ERO1A: variants seen among roughly 807,000 people sequenced by gnomAD.
ERO1A encodes endoplasmic reticulum oxidoreductase 1 alpha.
ERO1A carries 49 observed loss-of-function variants against 76.9 expected under a neutral mutation model. The observed-to-expected ratio is 0.64, with a 90% confidence interval of 0.51 to 0.81. The LOEUF is 0.81. Among genes scored for constraint, ERO1A ranks in the 30% least tolerant of loss-of-function variants. The probability of loss-of-function intolerance (pLI) is 0.00; values close to 1 mark genes in which losing one functional copy is unlikely to be tolerated. For missense variants in ERO1A, 448 were observed against 542.1 expected (o/e 0.83, Z 1.72); for synonymous variants, 174 against 181.2 (o/e 0.96, Z 0.32).
Position 52,661,323 on chromosome 14 carries a change from T to G in ERO1A, c.677-19A>C. The G allele has an allele frequency of 1.4e-6, 2 of 1,404,290 alleles. No homozygotes were observed. The highest frequency in any genetic ancestry group is 1.9e-6 in the Non-Finnish European group (2 of 1,054,822). The allele number at this position is 1,404,290 out of a possible 1,614,324, so 87.0% of individuals were successfully genotyped here. A position where few individuals can be genotyped will look rare whatever the true frequency, so the allele number is the denominator to read the frequency against. ...CTTGTCCCTGAAAAGCAAAACAAAA[T>G]GTTTATTAAAATAAATTCCTTCCAG... On this transcript the variant is annotated intron_variant, in intron 8 of 15. Coordinates refer to ENST00000395686, the MANE Select transcript of ERO1A (RefSeq NM_014584.3).
intron 9 of ERO1A, among the ~76,000 whole-genome samples, chr14:52,660,386 T>C (rs914824897): frequency 1.3e-5 from 2 of 152,300 alleles, no homozygotes; most frequent in Non-Finnish European, 2.9e-5. Flanking sequence ...CAATATAGCA[T>C]AGAACTAGGT....
chr14:52,665,236 A>AGGTTG (rs1288242619), intron 7 of ERO1A, among the ~76,000 whole-genome samples: 1 of 142,458 alleles, frequency 7.0e-6, no homozygotes, highest in East Asian at 2.3e-4. Context: ...TGGGAGGCAG[A>AGGTTG]GGTTGCGGTA....
chr14:52,651,202 C>T (rs1010424916), intron 13 of ERO1A, among the ~76,000 whole-genome samples: 1 of 151,686 alleles, frequency 6.6e-6, no homozygotes, highest in African/African-American at 2.4e-5. Context: ...GTGGGAGGAT[C>T]GCTTGAGCAC....
intron 1 of ERO1A, among the ~76,000 whole-genome samples, chr14:52,690,019 G>T (rs933965447): frequency 6.6e-6 from 1 of 151,984 alleles, no homozygotes; most frequent in Non-Finnish European, 1.5e-5. Flanking sequence ...CCAAACAATG[G>T]GAAAGCACAG....
chr14:52,656,711 CAAAAA>C (rs34369320), intron 11 of ERO1A, among the ~76,000 whole-genome samples: 1 of 103,602 alleles, frequency 9.7e-6, no homozygotes, highest in Admixed American at 9.9e-5. Flanking sequence ...GACTCTGTCT[CAAAAA>C]AAAAAAAAAA....
intron 13 of ERO1A, chr14:52,646,884 A>G (rs2039675854): frequency 6.6e-6 from 1 of 152,424 alleles, no homozygotes; most frequent in South Asian, 2.1e-4. Context: ...AGGGTGAGAC[A>G]GGGTTAGAGA....
intron 4 of ERO1A, among the ~76,000 whole-genome samples, chr14:52,673,395 G>C (rs1230771488): frequency 6.6e-6 from 1 of 152,088 alleles, no homozygotes; most frequent in Non-Finnish European, 1.5e-5. Flanking sequence ...TAGCCATTTT[G>C]CCATAATTGC....
intron 2 of ERO1A, 71 bp from the exon 3 acceptor site, chr14:52,682,479 A>G: frequency 8.6e-7 from 1 of 1,166,288 alleles, no homozygotes; most frequent in Non-Finnish European, 1.3e-6. Context: ...GTTACAAATT[A>G]TGGTGCTATA....
chr14:52,691,816 A>G (rs928502911), intron 1 of ERO1A, among the ~76,000 whole-genome samples: 4 of 152,358 alleles, frequency 2.6e-5, no homozygotes, highest in African/African-American at 7.2e-5. Context: ...AGAGTTTACA[A>G]ACATCGTGAG....
chr14:52,689,664 T>C (rs1287394775), intron 1 of ERO1A, among the ~76,000 whole-genome samples: 3 of 152,190 alleles, frequency 2.0e-5, no homozygotes, highest in African/African-American at 7.2e-5. Context: ...AGATATCCCA[T>C]GTTCATAAAT....
intron 1 of ERO1A, among the ~76,000 whole-genome samples, chr14:52,684,118 G>GAC (rs60355765): frequency 0.048 from 6,455 of 134,514 alleles, 279 homozygotes; most frequent in East Asian, 0.23. Flanking sequence ...CAGAGCTCAT[G>GAC]ACACACACAC....
intron 6 of ERO1A, among the ~76,000 whole-genome samples, chr14:52,668,776 C>CTATAAT (rs202109507): frequency 1.0e-3 from 150 of 147,778 alleles, no homozygotes; most frequent in African/African-American, 3.5e-3. Context: ...TATAATTATA[C>CTATAAT]TATAATTATA....
At chr14:52,654,110 T>G (rs1352856818) in intron 11 of ERO1A, among the ~76,000 whole-genome samples, 1 of 152,140 alleles carries the variant, frequency 6.6e-6, no homozygotes, top group East Asian at 1.9e-4. Flanking sequence ...ATACTCTGCT[T>G]TTTATTAAAT....
At chr14:52,667,084 TCAGA>T (rs2040438385) in intron 6 of ERO1A, among the ~76,000 whole-genome samples, 1 of 152,204 alleles carries the variant, frequency 6.6e-6, no homozygotes, top group Non-Finnish European at 1.5e-5. Flanking sequence ...CATAAGCTAT[TCAGA>T]CAAAGAATAT....
chr14:52,652,280 A>C lies in ERO1A; in HGVS notation c.1084T>G (p.Ser362Ala). The change falls in exon 13 of 16, where the codon TCA becomes GCA. Residue 362 changes from serine (S) to alanine (A), a missense_variant. By Grantham distance (99) the Ser-to-Ala change is moderately conservative. Around this residue, in one of 2 missense-constraint regions of ERO1A, gnomAD observed 302 missense variants for 411.9 expected, o/e 0.73. Coordinates refer to ENST00000395686, the MANE Select transcript of ERO1A (RefSeq NM_014584.3). The part of the protein sequence containing the change: ...KSFPLHFDEN[S>A]FFAGDKKEAH... ...TCTTTTTTATCCCCAGCAAAAAATG[A>C]ATTCTCATCAAAATGCAAAGGAAAT... The C allele has an allele frequency of 6.2e-7, 1 of 1,611,192 alleles. No homozygotes were observed. The highest frequency in any genetic ancestry group is 8.5e-7 in the Non-Finnish European group (1 of 1,177,396).
At chr14:52,674,483 G>C (rs1169039461) in intron 4 of ERO1A, among the ~76,000 whole-genome samples, 1 of 152,166 alleles carries the variant, frequency 6.6e-6, no homozygotes, top group African/African-American at 2.4e-5. Flanking sequence ...ACACAGGCAT[G>C]AGCCACTATG....
In ERO1A at chr14:52,653,114, T is replaced by C; in HGVS notation, c.1010A>G (p.Asp337Gly). 1 of 1,593,398 alleles carries C rather than the reference T, an allele frequency of 6.3e-7. No individual in the cohort carries two copies. Among genetic ancestry groups the C allele is most frequent in the Non-Finnish European group, 8.6e-7 (1 of 1,161,328 alleles). The change falls in exon 12 of 16, where the codon GAT becomes GGT. Residue 337 changes from aspartate (D) to glycine (G), a missense_variant. Transcript: ENST00000395686. The part of the protein sequence containing the change: ...FQLFTGNKIQ[D>G]EENKMLLLEI... ...CAGAAGTAACATTTTGTTTTCCTCA[T>C]CCTGAATTTTATTTCCAGTAAAGAG...
chr14:52,677,479 C>T (rs1048874256), intron 4 of ERO1A, among the ~76,000 whole-genome samples: 2 of 152,078 alleles, frequency 1.3e-5, no homozygotes, highest in African/African-American at 2.4e-5. Context: ...GAAACTGTTA[C>T]GGCTAAGAGA....
At chr14:52,688,381 C>G (rs968851570) in intron 1 of ERO1A, among the ~76,000 whole-genome samples, 8 of 152,072 alleles carry the variant, frequency 5.3e-5, no homozygotes, top group Admixed American at 3.9e-4. Flanking sequence ...CCATCTCTGC[C>G]AGTCATTAGT....
Sources: gnomAD v4.1 joint callset for allele counts (sites outside exome capture counted in the v4.1 genomes callset) on GRCh38, gnomAD v4.1.1 for gene constraint, gnomAD v4.1.1 regional missense constraint, MANE v1.5 for transcripts, NCBI Gene and HGNC (gene_info 2026-07-23, HGNC 2026-07-21) for gene names.